The following CAMTA1 variants were observed in gnomAD, a reference collection of about 807,000 sequenced individuals.
CAMTA1 encodes calmodulin binding transcription activator 1, also known as calmodulin-binding transcription activator 1.
A neutral mutation model predicts 170.9 loss-of-function variants in CAMTA1; 27 were observed. The observed-to-expected ratio is 0.16, with a 90% CI of 0.12 to 0.22. CAMTA1 has a LOEUF of 0.22. Among genes scored for constraint, CAMTA1 ranks in the 10% least tolerant of loss-of-function variants. The pLI, the probability that CAMTA1 is intolerant of heterozygous loss-of-function variation, is 1.00. For missense variants in CAMTA1, 1,619 were observed against 2,217.2 expected (o/e 0.73, Z 5.42); for synonymous variants, 833 against 891.5 (o/e 0.93, Z 1.17).
intron 11 of CAMTA1, among the ~76,000 whole-genome samples, chr1:7,722,989 A>G (rs780276748): frequency 6.6e-6 from 1 of 152,224 alleles, no homozygotes; most frequent in African/African-American, 2.4e-5. Flanking sequence ...AGACATCAGT[A>G]GGAACTCATG....
chr1:7,664,140 G>A lies in CAMTA1; in HGVS notation c.1593G>A (p.Glu531=). 6.2e-7 allele frequency: 1 copy of A among 1,613,232 alleles called. No individual in the cohort carries two copies. The highest frequency in any genetic ancestry group is 8.5e-7 in the Non-Finnish European group (1 of 1,180,048). ...GCTTTACCACCGTCCTCACCAAGGA[G>A]ATCAAGACCGAGGACACCTCCTTCG... ...SFSFTTVLTK[E]IKTEDTSFEQ... is the part of the protein sequence containing the mutation. Residue 531 remains glutamate, a synonymous_variant, in exon 9 of 23, where the codon GAG becomes GAA. Coordinates refer to ENST00000303635, the MANE Select transcript of CAMTA1 (RefSeq NM_015215.4).
At chr1:7,766,064 A>G (rs1263681417) in intron 22 of CAMTA1, among the ~76,000 whole-genome samples, 1 of 151,794 alleles carries the variant, frequency 6.6e-6, no homozygotes, top group South Asian at 2.1e-4. Context: ...ATGCATGTAC[A>G]GTTTCCCTAA....
At chr1:7,672,152 C>G in intron 10 of CAMTA1, 1 of 439,726 alleles carries the variant, frequency 2.3e-6, no homozygotes, top group Non-Finnish European at 4.6e-6. Context: ...CCCCTGTCCT[C>G]TAACGTCAGG....
chr1:7,204,888 G>A (rs1657435474), intron 4 of CAMTA1, among the ~76,000 whole-genome samples: 1 of 137,212 alleles, frequency 7.3e-6, no homozygotes, highest in Non-Finnish European at 1.5e-5. Flanking sequence ...GAAGTGCAGT[G>A]GCACGACCTC....
chr1:7,089,449 G>A (rs1641182292), intron 3 of CAMTA1, among the ~76,000 whole-genome samples: 1 of 152,096 alleles, frequency 6.6e-6, no homozygotes, highest in Admixed American at 6.5e-5. Flanking sequence ...AAGCTCCTGT[G>A]TCAACTATCT....
intron 3 of CAMTA1, among the ~76,000 whole-genome samples, chr1:6,828,824 TTACTC>T (rs1648389095): frequency 2.0e-5 from 3 of 152,078 alleles, no homozygotes; most frequent in African/African-American, 4.8e-5. Flanking sequence ...ATTCTATTGT[TTACTC>T]TATAGGAGTT....
chr1:7,531,838 C>T (rs1473314152), intron 6 of CAMTA1, among the ~76,000 whole-genome samples: 1 of 152,254 alleles, frequency 6.6e-6, no homozygotes. Context: ...GGGCAGGTTG[C>T]CCTGTGAGCT....
At chr1:7,107,987 C>T (rs955802245) in intron 4 of CAMTA1, among the ~76,000 whole-genome samples, 1 of 152,210 alleles carries the variant, frequency 6.6e-6, no homozygotes, top group Non-Finnish European at 1.5e-5. Flanking sequence ...CAACCACCCC[C>T]TCGCTCAGTC....
At chr1:7,508,016 G>A (rs61772249) in intron 6 of CAMTA1, among the ~76,000 whole-genome samples, 38,811 of 152,262 alleles carry the variant, frequency 0.25, 6,157 homozygotes, top group Non-Finnish European at 0.34. Context: ...CGATACCAGT[G>A]GGGTTTATGG....
intron 5 of CAMTA1, among the ~76,000 whole-genome samples, chr1:7,386,623 A>G (rs1256237000): frequency 6.6e-6 from 1 of 152,148 alleles, no homozygotes; most frequent in Admixed American, 6.5e-5. Context: ...CACCTTGACG[A>G]TGGGCAGATG....
At chr1:6,998,331 C>T (rs1405605890) in intron 3 of CAMTA1, among the ~76,000 whole-genome samples, 3 of 152,214 alleles carry the variant, frequency 2.0e-5, no homozygotes, top group African/African-American at 7.2e-5. Flanking sequence ...TCTCTGAGCG[C>T]TTTCTTCTAG....
At chr1:6,969,729 C>T (rs1157235271) in intron 3 of CAMTA1, among the ~76,000 whole-genome samples, 2 of 152,224 alleles carry the variant, frequency 1.3e-5, no homozygotes, top group African/African-American at 2.4e-5. Flanking sequence ...TGTAGGCCTA[C>T]GATTTAAACT....
intron 1 of CAMTA1, among the ~76,000 whole-genome samples, chr1:6,805,443 G>T (rs912631863): frequency 1.3e-5 from 2 of 152,198 alleles, no homozygotes; most frequent in Non-Finnish European, 2.9e-5. Flanking sequence ...TATCAGATAT[G>T]TGATTTCAAA....
chr1:6,990,547 A>T (rs906335078), intron 3 of CAMTA1, among the ~76,000 whole-genome samples: 1 of 152,142 alleles, frequency 6.6e-6, no homozygotes, highest in Non-Finnish European at 1.5e-5. Flanking sequence ...CCTACAGTGA[A>T]ACACACAATC....
chr1:7,594,242 A>AAGGAAGGAAGG (rs59901874), intron 6 of CAMTA1, among the ~76,000 whole-genome samples: 2,603 of 123,832 alleles, frequency 0.021, 107 homozygotes, highest in African/African-American at 0.053. Flanking sequence ...AGGAAGGAAG[A>AAGGAAGGAAGG]AAGAAAAGAA....
intron 5 of CAMTA1, among the ~76,000 whole-genome samples, chr1:7,353,035 C>T (rs368560050): frequency 6.6e-6 from 1 of 152,194 alleles, no homozygotes; most frequent in Non-Finnish European, 1.5e-5. Flanking sequence ...CGCCCTTGAC[C>T]GCCTGGTGAA....
At chr1:7,413,199 G>A (rs9659392) in intron 5 of CAMTA1, among the ~76,000 whole-genome samples, 22,840 of 151,266 alleles carry the variant, frequency 0.15, 2,665 homozygotes, top group East Asian at 0.5. Context: ...TGATGCCTCC[G>A]CCTTTGTTCT....
intron 3 of CAMTA1, among the ~76,000 whole-genome samples, chr1:6,853,758 T>C (rs962844500): frequency 6.6e-6 from 1 of 152,122 alleles, no homozygotes; most frequent in African/African-American, 2.4e-5. Context: ...AAAAGAAAAC[T>C]GGTGTACCTT....
chr1:7,644,422 G>A (rs1166710789), intron 7 of CAMTA1, among the ~76,000 whole-genome samples: 2 of 152,200 alleles, frequency 1.3e-5, no homozygotes, highest in Non-Finnish European at 2.9e-5. Context: ...TATGGGTCCT[G>A]CTGCTATGAG....
Sources: allele counts gnomAD v4.1 joint callset (sites outside exome capture counted in the v4.1 genomes callset), GRCh38; gene constraint gnomAD v4.1.1; transcripts MANE v1.5; gene names NCBI Gene and HGNC (gene_info 2026-07-23, HGNC 2026-07-21).